C17orf67: variants seen among roughly 807,000 people sequenced by gnomAD.
C17orf67 encodes chromosome 17 open reading frame 67.
C17orf67 carries 12 observed loss-of-function variants against 11.2 expected under a neutral mutation model. The observed-to-expected ratio is 1.07, with a 90% confidence interval of 0.68 to 1.73. C17orf67 has a LOEUF of 1.73. Among genes scored for constraint, C17orf67 ranks in the 40% most tolerant of loss-of-function variants. C17orf67 has a pLI of 0.00. For synonymous variants in C17orf67, 59 were observed against 46.9 expected (o/e 1.26, Z -1.05); for missense variants, 115 against 113.5 (o/e 1.01, Z -0.06).
intron 2 of C17orf67, among the ~76,000 whole-genome samples, chr17:56,828,954 G>A (rs922202533): frequency 6.6e-6 from 1 of 151,998 alleles, no homozygotes; most frequent in Non-Finnish European, 1.5e-5. Flanking sequence ...ATGCTTATAA[G>A]GTGAACAGCA....
chr17:56,814,130 G>A (rs143876148), intron 6 of C17orf67, among the ~76,000 whole-genome samples: 3 of 152,314 alleles, frequency 2.0e-5, no homozygotes, highest in East Asian at 1.9e-4. Flanking sequence ...GATAAGCATC[G>A]TGCCCAGATG....
intron 2 of C17orf67, among the ~76,000 whole-genome samples, chr17:56,831,992 G>A (rs988067478): frequency 1.1e-4 from 17 of 151,850 alleles, no homozygotes; most frequent in African/African-American, 2.4e-4. Flanking sequence ...CTGTCGCCCC[G>A]GCTGGAATAC....
At chr17:56,818,596 A>G (rs531442119) in intron 4 of C17orf67, among the ~76,000 whole-genome samples, 1 of 152,344 alleles carries the variant, frequency 6.6e-6, no homozygotes, top group Non-Finnish European at 1.5e-5. Context: ...ACATAAAGCC[A>G]CAGATGCAAA....
intron 2 of C17orf67, among the ~76,000 whole-genome samples, chr17:56,831,502 G>A (rs1052077206): frequency 6.6e-6 from 1 of 152,196 alleles, no homozygotes; most frequent in Admixed American, 6.5e-5. Flanking sequence ...AGAACTTGGA[G>A]GAGCAATCAC....
intron 6 of C17orf67, among the ~76,000 whole-genome samples, chr17:56,805,551 G>A (rs1269690908): frequency 6.6e-6 from 1 of 152,166 alleles, no homozygotes; most frequent in Non-Finnish European, 1.5e-5. Context: ...TCTCTCAGAA[G>A]ACAGTGACAT....
chr17:56,793,033 A>G (rs2144106195), intron 7 of C17orf67, among the ~76,000 whole-genome samples: 1 of 151,120 alleles, frequency 6.6e-6, no homozygotes, highest in Non-Finnish European at 1.5e-5. Flanking sequence ...AACAAGAAGG[A>G]GGAGGAGGAG....
chr17:56,811,061 C>G (rs760649333), intron 6 of C17orf67, among the ~76,000 whole-genome samples: 7 of 152,158 alleles, frequency 4.6e-5, no homozygotes, highest in Non-Finnish European at 1.0e-4. Flanking sequence ...CCTCCAGGGG[C>G]CTCAGAATAA....
chr17:56,803,463 T>A (rs1220933978), intron 6 of C17orf67, among the ~76,000 whole-genome samples: 1 of 152,244 alleles, frequency 6.6e-6, no homozygotes, highest in Admixed American at 6.5e-5. Flanking sequence ...CTCATTTGCA[T>A]CTTTACTCAT....
At chr17:56,799,491 G>A (rs1020123766) in intron 6 of C17orf67, among the ~76,000 whole-genome samples, 1 of 152,146 alleles carries the variant, frequency 6.6e-6, no homozygotes, top group Non-Finnish European at 1.5e-5. Context: ...TGGACATCTT[G>A]GTTGCTTCCA....
At position 56,815,775 on chromosome 17, in the gene C17orf67, G is replaced by A. The variant is rs1231022392; in HGVS notation, c.36C>T (p.Thr12=). The A allele has an allele frequency of 3.7e-6, 6 of 1,613,518 alleles. No homozygotes were observed. In the East Asian group the frequency reaches 6.7e-5, roughly 18 times the overall value. ...GCCCACCTGAGAAGACAGTCAGTAAGGTAAGAGACAGCACGAGCACAGGCA... is the reference window on the plus strand; with the variant it reads ...GCCCACCTGAGAAGACAGTCAGTAAAGTAAGAGACAGCACGAGCACAGGCA... ...KTLPVLVLSL[T]LLTVFSETSP... Residue 12 remains threonine, a synonymous_variant, in exon 5 of 8, where the codon ACC becomes ACT. Transcript: ENST00000397861.
At chr17:56,801,235 C>A (rs1905314316) in intron 6 of C17orf67, among the ~76,000 whole-genome samples, 1 of 152,160 alleles carries the variant, frequency 6.6e-6, no homozygotes, top group East Asian at 1.9e-4. Flanking sequence ...GGCCAATAAT[C>A]AGAGAAGTGG....
rs777802398 is a variant in C17orf67, at chr17:56,814,840, C to A, written c.156+29G>T. 1.9e-6 allele frequency: 3 copies of A among 1,601,442 alleles called. No individual in the cohort carries two copies. In the South Asian group the frequency reaches 3.3e-5, roughly 18 times the overall value. Reference sequence around the variant, plus strand: ...AATGGCATTCAAATGATCACATTTTCTTTAAAACTGCCAGAGCAAAGCACT... The same window carrying A: ...AATGGCATTCAAATGATCACATTTTATTTAAAACTGCCAGAGCAAAGCACT... On this transcript the variant is annotated intron_variant, in intron 6 of 7. Transcript: ENST00000397861.
intron 6 of C17orf67, among the ~76,000 whole-genome samples, chr17:56,795,758 C>T (rs1905200726): frequency 6.6e-6 from 1 of 152,156 alleles, no homozygotes; most frequent in South Asian, 2.1e-4. Context: ...GCCAAATAGC[C>T]ACTTACAGGA....
At position 56,814,970 on chromosome 17, in the gene C17orf67, C is replaced by G; in HGVS notation, c.56-1G>C. On this transcript the variant is annotated splice_acceptor_variant, in intron 5 of 7. Coordinates refer to ENST00000397861, the MANE Select transcript of C17orf67 (RefSeq NM_001085430.4). LOFTEE classifies it high-confidence loss of function. Reference sequence around the variant, plus strand: ...TTCTCTGTCAAAATCGGGGAGGTCTCTGGAAAAGTCGGGAAGGTGCCTTAA... The same window carrying G: ...TTCTCTGTCAAAATCGGGGAGGTCTGTGGAAAAGTCGGGAAGGTGCCTTAA... The G allele has an allele frequency of 6.2e-7, 1 of 1,613,772 alleles. No individual in the cohort carries two copies. The highest frequency in any genetic ancestry group is 8.5e-7 in the Non-Finnish European group (1 of 1,179,796).
intron 6 of C17orf67, among the ~76,000 whole-genome samples, chr17:56,811,550 C>T (rs1042379822): frequency 2.0e-5 from 3 of 152,098 alleles, no homozygotes; most frequent in African/African-American, 4.8e-5. Context: ...GGCTGGGGCT[C>T]GAGACTCTCT....
At chr17:56,832,613 C>T (rs1001482695) in intron 2 of C17orf67, among the ~76,000 whole-genome samples, 1 of 152,144 alleles carries the variant, frequency 6.6e-6, no homozygotes, top group Non-Finnish European at 1.5e-5. Context: ...GTCGCCTAAC[C>T]TTACTTACAC....
rs1000037684 is a variant in C17orf67, at chr17:56,807,638, T to C, written c.156+7231A>G. Among the ~76,000 whole-genome samples the C allele has an allele frequency of 2.0e-5, 3 of 152,178 alleles. No homozygotes were observed. In the East Asian group the frequency reaches 5.8e-4, roughly 29 times the overall value. ...GAAAGCTCAGAATATTTTTCCACCTTCTTCCCTCTAAACACAAACCTAGCC... is the reference window on the plus strand; with the variant it reads ...GAAAGCTCAGAATATTTTTCCACCTCCTTCCCTCTAAACACAAACCTAGCC... On this transcript the variant is annotated intron_variant, in intron 6 of 7. Transcript: ENST00000397861.
intron 6 of C17orf67, among the ~76,000 whole-genome samples, chr17:56,800,179 C>T (rs986440295): frequency 1.4e-5 from 2 of 147,228 alleles, no homozygotes; most frequent in African/African-American, 5.0e-5. Context: ...CATTCTCCTG[C>T]CTTAGCCTCC....
chr17:56,803,383 T>C (rs886654107), intron 6 of C17orf67, among the ~76,000 whole-genome samples: 8 of 152,230 alleles, frequency 5.3e-5, no homozygotes, highest in African/African-American at 1.9e-4. Flanking sequence ...CTTAAAGACT[T>C]TTATAATGAG....
Sources: gnomAD v4.1 joint callset for allele counts (sites outside exome capture counted in the v4.1 genomes callset) on GRCh38, gnomAD v4.1.1 for gene constraint, MANE v1.5 for transcripts, NCBI Gene and HGNC (gene_info 2026-07-23, HGNC 2026-07-21) for gene names.